The following ADAM10 variants were observed in gnomAD, a reference collection of about 807,000 sequenced individuals.
The protein encoded by ADAM10 is ADAM metallopeptidase domain 10.
Under a neutral mutation model 90.1 loss-of-function variants are expected in ADAM10, and 17 were observed. The observed-to-expected ratio is 0.19, with a 90% CI of 0.13 to 0.28. The LOEUF (loss-of-function observed/expected upper bound fraction) is 0.28. Ranked by LOEUF, ADAM10 falls within the 10% of genes least tolerant of loss-of-function variation. The pLI is 1.00. For synonymous variants in ADAM10, 310 were observed against 298.6 expected (o/e 1.04, Z -0.40); for missense variants, 610 against 914.3 (o/e 0.67, Z 4.29).
chr15:58,713,521 TTATAA>T (rs1224020523), intron 2 of ADAM10, among the ~76,000 whole-genome samples: 9 of 152,192 alleles, frequency 5.9e-5, no homozygotes, highest in African/African-American at 2.2e-4. Flanking sequence ...GTAAATAAAG[TTATAA>T]TAAAATAAAT....
At chr15:58,641,860 T>C (rs530875008) in intron 7 of ADAM10, among the ~76,000 whole-genome samples, 15 of 152,312 alleles carry the variant, frequency 9.8e-5, no homozygotes, top group African/African-American at 3.1e-4. Context: ...GATGACATAA[T>C]GGTTGATACA....
At chr15:58,729,504 C>T (rs1467467147) in intron 1 of ADAM10, among the ~76,000 whole-genome samples, 1 of 152,192 alleles carries the variant, frequency 6.6e-6, no homozygotes, top group Admixed American at 6.6e-5. Flanking sequence ...CCCCAGACTA[C>T]CCCAGAGTGA....
At chr15:58,599,958 C>T (rs555762123) in intron 14 of ADAM10, among the ~76,000 whole-genome samples, 36 of 152,078 alleles carry the variant, frequency 2.4e-4, no homozygotes, top group African/African-American at 8.7e-4. Flanking sequence ...ATAGAGGAAA[C>T]CGCTCAATCT....
chr15:58,630,221 T>A (rs1352726376), intron 9 of ADAM10, among the ~76,000 whole-genome samples: 1 of 152,192 alleles, frequency 6.6e-6, no homozygotes, highest in Non-Finnish European at 1.5e-5. Context: ...TTTGGTATTA[T>A]AAATAAAACT....
chr15:58,589,062 T>C lies in ADAM10; in HGVS notation c.*8485A>G, dbSNP rs1255022413. On this transcript the variant is annotated 3_prime_UTR_variant, in exon 16 of 16. Transcript: ENST00000260408. Reference sequence around the variant, plus strand: ...ATGTTAAAAGTTAAAAATACAGCTGTTGGTAATGTGTTGTAATGAAACTAA... The same window carrying C: ...ATGTTAAAAGTTAAAAATACAGCTGCTGGTAATGTGTTGTAATGAAACTAA... 1 of 152,224 alleles carries C rather than the reference T, an allele frequency of 6.6e-6. No individual in the cohort carries two copies. The highest frequency in any genetic ancestry group is 1.5e-5 in the Non-Finnish European group (1 of 68,032). 9.4% of individuals were successfully genotyped at this position (152,224 alleles called of 1,614,324 possible).
intron 13 of ADAM10, 51 bp from the exon 14 acceptor site, chr15:58,610,568 T>C: frequency 6.4e-7 from 1 of 1,559,486 alleles, no homozygotes; most frequent in Non-Finnish European, 8.8e-7. Flanking sequence ...AAATATAAGT[T>C]GAAGATCAGA....
chr15:58,596,000 G>A lies in ADAM10; in HGVS notation c.*1547C>T, dbSNP rs895591518. 3 of 151,638 alleles carry A rather than the reference G, an allele frequency of 2.0e-5. No individual in the cohort carries two copies. Among genetic ancestry groups the A allele is most frequent in the Admixed American group, 6.6e-5 (1 of 15,228 alleles). The allele number at this position is 151,638 out of a possible 1,614,324, so 9.4% of individuals were successfully genotyped here. On this transcript the variant is annotated 3_prime_UTR_variant, in exon 16 of 16. Coordinates refer to ENST00000260408, the MANE Select transcript of ADAM10 (RefSeq NM_001110.4). ...ACCACATACTGTACAAGTTTACAAG[G>A]AAGAGATCCCGTTATTTTCTCTAGC...
chr15:58,614,993 A>G (rs569892272), intron 11 of ADAM10, among the ~76,000 whole-genome samples: 1 of 152,256 alleles, frequency 6.6e-6, no homozygotes, highest in Admixed American at 6.5e-5. Flanking sequence ...AAACAAAAAC[A>G]GCCGGGTGCA....
chr15:58,615,354 T>C (rs1019920641), intron 11 of ADAM10, among the ~76,000 whole-genome samples: 2 of 151,234 alleles, frequency 1.3e-5, no homozygotes, highest in Admixed American at 6.6e-5. Context: ...ATATCAATCA[T>C]GAATATACAC....
At chr15:58,686,567 C>T in intron 2 of ADAM10, 1 of 1,306,468 alleles carries the variant, frequency 7.7e-7, no homozygotes, top group East Asian at 2.3e-5. Flanking sequence ...GGTGGGTGTT[C>T]TAGCTGGAAG....
At chr15:58,680,913 G>A (rs1381428860) in intron 3 of ADAM10, among the ~76,000 whole-genome samples, 5 of 152,010 alleles carry the variant, frequency 3.3e-5, no homozygotes, top group Non-Finnish European at 7.4e-5. Flanking sequence ...CAACCTCCTG[G>A]GCTCAGCAAT....
chr15:58,702,529 C>A (rs1200450073), intron 2 of ADAM10, among the ~76,000 whole-genome samples: 2 of 152,170 alleles, frequency 1.3e-5, no homozygotes. Flanking sequence ...ATGAATTGAT[C>A]ATTTCACATT....
At chr15:58,686,618 A>G in intron 2 of ADAM10, 1 of 887,808 alleles carries the variant, frequency 1.1e-6, no homozygotes, top group Non-Finnish European at 1.9e-6. Context: ...TTTACTCTGA[A>G]GACTCTAAGA....
At chr15:58,645,981 TA>T in intron 6 of ADAM10, 73 bp downstream of exon 6, 1 of 1,541,804 alleles carries the variant, frequency 6.5e-7, no homozygotes, top group Non-Finnish European at 8.9e-7. Flanking sequence ...TACACTAACT[TA>T]AATTTTTAAA....
chr15:58,668,004 C>G (rs994147362), intron 4 of ADAM10, among the ~76,000 whole-genome samples: 3 of 152,046 alleles, frequency 2.0e-5, no homozygotes, highest in East Asian at 3.9e-4. Flanking sequence ...GCACTCACAA[C>G]ACTGATCTCT....
intron 2 of ADAM10, chr15:58,691,596 G>A (rs1233572805): frequency 4.2e-6 from 2 of 474,798 alleles, no homozygotes; most frequent in Admixed American, 2.4e-5. Flanking sequence ...CGAGATTTTA[G>A]AGAATACCTC....
rs368571721 is a variant in ADAM10, at chr15:58,610,267, G to C, written c.2025+30C>G. On this transcript the variant is annotated intron_variant, in intron 14 of 15. Transcript: ENST00000260408. ...TAAAATTAAGATCAAACCACTTTAA[G>C]TTTTCTTTGTAAATAAAAAACATAC... The C allele has an allele frequency of 1.6e-5, 26 of 1,597,836 alleles. No homozygotes were observed. In the African/African-American group the frequency reaches 3.1e-4, roughly 19 times the overall value.
chr15:58,613,682 C>A (rs1210028239), intron 11 of ADAM10, among the ~76,000 whole-genome samples: 1 of 151,860 alleles, frequency 6.6e-6, no homozygotes, highest in Non-Finnish European at 1.5e-5. Flanking sequence ...GCTTCAACAG[C>A]AGACTTGATC....
At chr15:58,603,313 T>C (rs1238343903) in intron 14 of ADAM10, among the ~76,000 whole-genome samples, 1 of 152,144 alleles carries the variant, frequency 6.6e-6, no homozygotes, top group Non-Finnish European at 1.5e-5. Context: ...TACACGACCA[T>C]TTTGAGTAAT....
Sources: allele counts gnomAD v4.1 joint callset (sites outside exome capture counted in the v4.1 genomes callset), GRCh38; gene constraint gnomAD v4.1.1; transcripts MANE v1.5; gene names NCBI Gene and HGNC (gene_info 2026-07-23, HGNC 2026-07-21).